The following SLC22A3 variants were observed in gnomAD, a reference collection of about 807,000 sequenced individuals.
SLC22A3 encodes EMT organic cation transporter 3.
A neutral mutation model predicts 59.1 loss-of-function variants in SLC22A3; 51 were observed. The observed-to-expected ratio is 0.86, with a 90% CI of 0.69 to 1.09. SLC22A3 has a LOEUF of 1.09. SLC22A3 is among the 50% of genes least tolerant of loss of function. The pLI is 0.00. For synonymous variants in SLC22A3, 325 were observed against 292.0 expected (o/e 1.11, Z -1.15); for missense variants, 711 against 726.3 (o/e 0.98, Z 0.24).
At chr6:160,386,303 A>C (rs1786011999) in intron 1 of SLC22A3, among the ~76,000 whole-genome samples, 1 of 152,176 alleles carries the variant, frequency 6.6e-6, no homozygotes, top group Non-Finnish European at 1.5e-5. Flanking sequence ...GGTTAGGTGA[A>C]GGAAGGGGAA....
Position 160,348,741 on chromosome 6 carries a change from C to G in SLC22A3, c.322C>G (p.Leu108Val), listed in dbSNP as rs1784559205. 2 of 1,534,790 alleles carry G rather than the reference C, an allele frequency of 1.3e-6. No individual in the cohort carries two copies. The highest frequency in any genetic ancestry group is 1.4e-5 in the African/African-American group (1 of 72,640). Residue 108 changes from leucine (L) to valine (V), a missense_variant, in exon 1 of 11, where the codon CTC becomes GTC. Physicochemically the swap from Leu to Val is conservative, Grantham distance 32 (BLOSUM62 1). Coordinates refer to ENST00000275300, the MANE Select transcript of SLC22A3 (RefSeq NM_021977.4). ...CGACAGCGCCTCCGCCACTAGCGCT[C>G]TCAGCTGCGCGGACCCACTCGCCGC... ...ANDSASATSA[L>V]SCADPLAAFP... is the part of the protein sequence containing the mutation.
Position 160,348,429 on chromosome 6 carries a change from T to A in SLC22A3, c.10T>A (p.Phe4Ile). ...GGGCGGCGGGCGCACCATGCCCTCCTTCGACGAGGCGCTGCAGCGGGTGGG... is the reference window on the plus strand; with the variant it reads ...GGGCGGCGGGCGCACCATGCCCTCCATCGACGAGGCGCTGCAGCGGGTGGG... MPS[F>I]DEALQRVGEF... Residue 4 changes from phenylalanine to isoleucine, a missense_variant, in exon 1 of 11, where the codon TTC (phenylalanine) becomes ATC (isoleucine). Phe to Ile is a conservative substitution (Grantham distance 21). Coordinates refer to ENST00000275300, the MANE Select transcript of SLC22A3 (RefSeq NM_021977.4). The A allele has an allele frequency of 6.6e-7, 1 of 1,504,216 alleles. No individual in the cohort carries two copies. The highest frequency in any genetic ancestry group is 8.8e-7 in the Non-Finnish European group (1 of 1,130,562). 93.2% of individuals were successfully genotyped at this position (1,504,216 alleles called of 1,614,324 possible).
At chr6:160,374,030 T>G (rs1438049317) in intron 1 of SLC22A3, among the ~76,000 whole-genome samples, 1 of 152,196 alleles carries the variant, frequency 6.6e-6, no homozygotes, top group Non-Finnish European at 1.5e-5. Flanking sequence ...TCTGTTTTGC[T>G]GGAATTTGAA....
At chr6:160,392,067 CAATCATTGCA>C (rs1377988203) in intron 1 of SLC22A3, among the ~76,000 whole-genome samples, 1 of 152,200 alleles carries the variant, frequency 6.6e-6, no homozygotes, top group Non-Finnish European at 1.5e-5. Context: ...CCATTCTGGG[CAATCATTGCA>C]GATCCCCTGG....
chr6:160,378,668 A>G (rs756738065), intron 1 of SLC22A3, among the ~76,000 whole-genome samples: 1 of 152,212 alleles, frequency 6.6e-6, no homozygotes, highest in Non-Finnish European at 1.5e-5. Flanking sequence ...AAATATCATA[A>G]GTTGAAAAAT....
intron 5 of SLC22A3, among the ~76,000 whole-genome samples, chr6:160,432,127 T>A (rs888867895): frequency 2.6e-5 from 4 of 152,220 alleles, no homozygotes; most frequent in African/African-American, 9.6e-5. Context: ...ATGAAGGACT[T>A]TCCCAGAAGT....
At chr6:160,412,993 G>T (rs1477078455) in intron 5 of SLC22A3, among the ~76,000 whole-genome samples, 1 of 151,702 alleles carries the variant, frequency 6.6e-6, no homozygotes, top group East Asian at 1.9e-4. Context: ...AGAAAAATAG[G>T]CATCTAGAAA....
chr6:160,376,739 C>G (rs961381261), intron 1 of SLC22A3, among the ~76,000 whole-genome samples: 4 of 152,190 alleles, frequency 2.6e-5, no homozygotes, highest in Non-Finnish European at 5.9e-5. Context: ...CTCCTTTTAG[C>G]TCTGTGAGGC....
chr6:160,354,961 C>G (rs1784779656), intron 1 of SLC22A3, among the ~76,000 whole-genome samples: 1 of 152,094 alleles, frequency 6.6e-6, no homozygotes, highest in African/African-American at 2.4e-5. Context: ...AAGCCTGGAG[C>G]CGGAGCAACC....
At chr6:160,404,427 T>C (rs1786920153) in intron 2 of SLC22A3, among the ~76,000 whole-genome samples, 1 of 152,038 alleles carries the variant, frequency 6.6e-6, no homozygotes, top group African/African-American at 2.4e-5. Flanking sequence ...AAAACTCTAA[T>C]GAAAGAAATT....
chr6:160,449,462 A>G (rs1424435370), intron 10 of SLC22A3, among the ~76,000 whole-genome samples: 1 of 152,220 alleles, frequency 6.6e-6, no homozygotes, highest in Non-Finnish European at 1.5e-5. Flanking sequence ...AGTATGGTTT[A>G]CAGTGCTACA....
chr6:160,357,754 G>C (rs1285414811), intron 1 of SLC22A3, among the ~76,000 whole-genome samples: 1 of 152,112 alleles, frequency 6.6e-6, no homozygotes, highest in African/African-American at 2.4e-5. Context: ...GAGAAAATTA[G>C]ATTGAAACTA....
At position 160,407,161 on chromosome 6, in the gene SLC22A3, T is replaced by C. The variant is rs543246186; in HGVS notation, c.654T>C (p.Phe218=). ...FVIFRFLQGV[F]GKGTWMTCYV... ...TCTTCCGCTTCCTGCAAGGTGTATT[T>C]GGAAAGGGGACGTGGATGACTTGCT... The change falls in exon 3 of 11, where the codon TTT becomes TTC. Residue 218 remains phenylalanine (F), a synonymous_variant. Coordinates refer to ENST00000275300, the MANE Select transcript of SLC22A3 (RefSeq NM_021977.4). 13 of 1,612,090 alleles carry C rather than the reference T, an allele frequency of 8.1e-6. No individual in the cohort carries two copies. In the South Asian group the frequency reaches 1.3e-4, roughly 16 times the overall value.
intron 5 of SLC22A3, 40 bp from the exon 6 acceptor site, chr6:160,436,740 T>C (rs750128441): frequency 7.3e-7 from 1 of 1,370,094 alleles, no homozygotes; most frequent in South Asian, 1.2e-5. Context: ...GTTTTTTTTT[T>C]TTCTGTCTAT....
Position 160,348,513 on chromosome 6 carries a change from T to G in SLC22A3, c.94T>G (p.Phe32Val), listed in dbSNP as rs764899184. The G allele has an allele frequency of 1.3e-6, 2 of 1,563,982 alleles. No homozygotes were observed. The highest frequency in any genetic ancestry group is 1.7e-6 in the Non-Finnish European group (2 of 1,162,578). The change falls in exon 1 of 11, where the codon TTC becomes GTC. Residue 32 changes from phenylalanine to valine, a missense_variant. Physicochemically the swap from Phe to Val is conservative, Grantham distance 50 (BLOSUM62 -1). Transcript: ENST00000275300. Reference protein sequence around the residue: ...FLLLCLTGVTFAFLFVGVVFL... With the variant: ...FLLLCLTGVTVAFLFVGVVFL... Reference sequence around the variant, plus strand: ...GCTGCTGTGCCTGACGGGCGTCACCTTCGCCTTCCTCTTCGTCGGCGTGGT... The same window carrying G: ...GCTGCTGTGCCTGACGGGCGTCACCGTCGCCTTCCTCTTCGTCGGCGTGGT...
At chr6:160,369,632 A>G (rs1430672737) in intron 1 of SLC22A3, among the ~76,000 whole-genome samples, 1 of 152,254 alleles carries the variant, frequency 6.6e-6, no homozygotes, top group African/African-American at 2.4e-5. Flanking sequence ...GCTTTCAAAG[A>G]AAAGTCTAAC....
chr6:160,364,962 T>C (rs1334571676), intron 1 of SLC22A3, among the ~76,000 whole-genome samples: 1 of 152,166 alleles, frequency 6.6e-6, no homozygotes, highest in African/African-American at 2.4e-5. Context: ...TATTGCTTTA[T>C]ATCAATATAA....
intron 2 of SLC22A3, among the ~76,000 whole-genome samples, chr6:160,403,938 A>T (rs1254031939): frequency 2.0e-5 from 3 of 152,024 alleles, no homozygotes; most frequent in African/African-American, 4.8e-5. Flanking sequence ...AATGTCTATT[A>T]AAAAAACTAC....
intron 7 of SLC22A3, among the ~76,000 whole-genome samples, chr6:160,438,597 T>TAC (rs10618183): frequency 6.6e-4 from 99 of 149,874 alleles, no homozygotes; most frequent in Admixed American, 1.0e-3. Context: ...CACACACACA[T>TAC]ACACACACAC....
Sources: gnomAD v4.1 joint callset for allele counts (sites outside exome capture counted in the v4.1 genomes callset) on GRCh38, gnomAD v4.1.1 for gene constraint, MANE v1.5 for transcripts, NCBI Gene and HGNC (gene_info 2026-07-23, HGNC 2026-07-21) for gene names.